Variants in PDE10A observed in about 807,000 individuals in gnomAD.
The protein encoded by PDE10A is phosphodiesterase 10A.
In PDE10A, 39 loss-of-function variants were observed where a neutral mutation model predicts 97.7. The observed-to-expected ratio is 0.40, with a 90% CI of 0.31 to 0.52. The LOEUF (loss-of-function observed/expected upper bound fraction) is 0.52, where lower values mean the gene tolerates loss of function less well. PDE10A is among the 20% of genes least tolerant of loss of function. PDE10A has a pLI of 0.56. For synonymous variants in PDE10A, 371 were observed against 376.8 expected (o/e 0.98, Z 0.18); for missense variants, 731 against 1,047.8 (o/e 0.70, Z 4.17).
intron 17 of PDE10A, among the ~76,000 whole-genome samples, chr6:165,380,662 G>A (rs1223475881): frequency 4.6e-5 from 7 of 152,180 alleles, no homozygotes; most frequent in Non-Finnish European, 8.8e-5. Flanking sequence ...CACATGGATT[G>A]TACATGAGAT....
intron 1 of PDE10A, among the ~76,000 whole-genome samples, chr6:165,717,068 G>A (rs540260172): frequency 2.8e-4 from 43 of 152,096 alleles, no homozygotes; most frequent in Non-Finnish European, 4.3e-4. Context: ...CTCTAGGTGC[G>A]TCATGGAAGT....
chr6:165,678,279 G>A (rs890514310), intron 1 of PDE10A, among the ~76,000 whole-genome samples: 5 of 144,676 alleles, frequency 3.5e-5, no homozygotes, highest in Non-Finnish European at 6.1e-5. Context: ...GTATGTGTGT[G>A]TGTCTCTGTG....
chr6:165,678,173 G>GTCTCTC (rs1411504350), intron 1 of PDE10A, among the ~76,000 whole-genome samples: 1 of 1,770 alleles, frequency 5.6e-4, no homozygotes, highest in African/African-American at 2.2e-3. Context: ...GTATGTATGT[G>GTCTCTC]TGTGTCCATG....
At chr6:165,871,363 C>T (rs1372085786) in intron 1 of PDE10A, among the ~76,000 whole-genome samples, 2 of 152,094 alleles carry the variant, frequency 1.3e-5, no homozygotes, top group Non-Finnish European at 2.9e-5. Flanking sequence ...GCAAGAAAAG[C>T]TACAGATGTT....
chr6:165,371,226 A>G (rs902731505), intron 18 of PDE10A, among the ~76,000 whole-genome samples: 1 of 151,880 alleles, frequency 6.6e-6, no homozygotes, highest in Non-Finnish European at 1.5e-5. Context: ...AAATAACTAA[A>G]ATCAGAGCAG....
At chr6:165,513,067 A>C (rs1461989067) in intron 2 of PDE10A, among the ~76,000 whole-genome samples, 1 of 152,020 alleles carries the variant, frequency 6.6e-6, no homozygotes, top group African/African-American at 2.4e-5. Flanking sequence ...GTGAACTACA[A>C]TTTACTGTTT....
At chr6:165,683,943 A>G (rs1003008534) in intron 1 of PDE10A, among the ~76,000 whole-genome samples, 13 of 152,102 alleles carry the variant, frequency 8.5e-5, no homozygotes, top group Admixed American at 1.3e-4. Context: ...TATTCCTCAG[A>G]TATACCAGGT....
intron 1 of PDE10A, among the ~76,000 whole-genome samples, chr6:165,978,009 A>G (rs1393038224): frequency 6.6e-6 from 1 of 152,200 alleles, no homozygotes; most frequent in Non-Finnish European, 1.5e-5. Flanking sequence ...TTCCATTCCT[A>G]CAGAAGAGTC....
chr6:165,889,897 TCC>T, intron 1 of PDE10A, among the ~76,000 whole-genome samples: 1 of 48,794 alleles, frequency 2.0e-5, no homozygotes, highest in African/African-American at 7.1e-5. Flanking sequence ...CACTCCTCCC[TCC>T]CTCCCTCCTC....
intron 1 of PDE10A, among the ~76,000 whole-genome samples, chr6:165,615,388 A>G (rs1355228621): frequency 1.3e-5 from 2 of 152,158 alleles, no homozygotes; most frequent in Non-Finnish European, 2.9e-5. Context: ...TTTTATTCAG[A>G]TACTCTCAAC....
chr6:165,904,061 G>A (rs956329869), intron 1 of PDE10A, among the ~76,000 whole-genome samples: 9 of 152,200 alleles, frequency 5.9e-5, no homozygotes, highest in African/African-American at 1.9e-4. Flanking sequence ...GGGGAACAGA[G>A]GAGTAGGGCA....
chr6:165,691,481 T>C (rs959488797), intron 1 of PDE10A, among the ~76,000 whole-genome samples: 1 of 152,132 alleles, frequency 6.6e-6, no homozygotes, highest in African/African-American at 2.4e-5. Context: ...GCATACTCTG[T>C]GATGTTCTTA....
chr6:165,734,934 C>A (rs960474958), intron 1 of PDE10A, among the ~76,000 whole-genome samples: 5 of 151,776 alleles, frequency 3.3e-5, no homozygotes, highest in Non-Finnish European at 7.4e-5. Flanking sequence ...TCCACAGAAA[C>A]AGAACCAATA....
rs142454629 is a variant in PDE10A at position 165,510,532 on chromosome 6, G to A, written c.995-28189C>T. ...GTCCTTGTCTGGCTTAGGTATGAGG[G>A]TAATGCTGGCCTTGTAGAATGAGTT... On this transcript the variant is annotated intron_variant, in intron 2 of 21. Transcript: ENST00000539869. 6.3e-3 allele frequency among the ~76,000 whole-genome samples: 956 copies of A among 152,040 alleles called. 8 individuals are homozygous for A. Among genetic ancestry groups the A allele is most frequent in the Middle Eastern group, 0.024 (7 of 294 alleles).
intron 3 of PDE10A, among the ~76,000 whole-genome samples, chr6:165,459,558 CAGAT>C (rs374037848): frequency 0.069 from 6,423 of 93,418 alleles, 204 homozygotes; most frequent in South Asian, 0.13. Context: ...GACAGACAGA[CAGAT>C]AGATAGATAA....
chr6:165,948,996 T>G (rs1190367038), intron 1 of PDE10A: 1 of 152,262 alleles, frequency 6.6e-6, no homozygotes, highest in Non-Finnish European at 1.5e-5. Flanking sequence ...GGGCACCTAC[T>G]TTGGAAGAAG....
intron 1 of PDE10A, among the ~76,000 whole-genome samples, chr6:165,718,712 T>G (rs542436564): frequency 6.6e-6 from 1 of 151,720 alleles, no homozygotes; most frequent in Non-Finnish European, 1.5e-5. Context: ...AGAAAAGACC[T>G]GCAGTTATTG....
intron 1 of PDE10A, among the ~76,000 whole-genome samples, chr6:165,755,479 GA>G (rs1265205557): frequency 6.6e-6 from 1 of 152,186 alleles, no homozygotes; most frequent in African/African-American, 2.4e-5. Flanking sequence ...TGTCTTCACT[GA>G]AACATATTAC....
At chr6:165,651,777 T>C (rs973766135) in intron 1 of PDE10A, among the ~76,000 whole-genome samples, 4 of 152,234 alleles carry the variant, frequency 2.6e-5, no homozygotes, top group Non-Finnish European at 5.9e-5. Flanking sequence ...CACATAAATA[T>C]ACCTATATAT....
Sources: gnomAD v4.1 joint callset for allele counts (sites outside exome capture counted in the v4.1 genomes callset) on GRCh38, gnomAD v4.1.1 for gene constraint, MANE v1.5 for transcripts, NCBI Gene and HGNC (gene_info 2026-07-23, HGNC 2026-07-21) for gene names.